Variants in PDZRN4 observed in about 807,000 individuals in gnomAD.
PDZRN4 encodes the protein PDZ domain containing ring finger 4.
A neutral mutation model predicts 99.0 loss-of-function variants in PDZRN4; 70 were observed. The ratio of observed to expected loss-of-function variants is 0.71; its 90% CI spans 0.58 to 0.86. The LOEUF (loss-of-function observed/expected upper bound fraction) is 0.86. Among genes scored for constraint, PDZRN4 ranks in the 40% least tolerant of loss-of-function variants. PDZRN4 has a pLI of 0.00. For synonymous variants in PDZRN4, 551 were observed against 501.6 expected, an observed-to-expected ratio of 1.10 and a Z score of -1.32; for missense variants, 1,474 against 1,331.2, an observed-to-expected ratio of 1.11 and a Z score of -1.67.
intron 3 of PDZRN4, among the ~76,000 whole-genome samples, chr12:41,426,760 A>G (rs1222842447): frequency 6.6e-6 from 1 of 152,258 alleles, no homozygotes; most frequent in Non-Finnish European, 1.5e-5. Context: ...TTAGCATATC[A>G]GAAATTATAA....
chr12:41,354,361 T>C (rs1183427702), intron 3 of PDZRN4, among the ~76,000 whole-genome samples: 1 of 152,026 alleles, frequency 6.6e-6, no homozygotes, highest in African/African-American at 2.4e-5. Context: ...CTTATGTATT[T>C]GCATCAGAGG....
intron 3 of PDZRN4, among the ~76,000 whole-genome samples, chr12:41,263,973 T>G (rs1012287668): frequency 2.0e-5 from 3 of 152,136 alleles, no homozygotes; most frequent in Non-Finnish European, 4.4e-5. Flanking sequence ...ACTGACTCCA[T>G]GAAAAACACA....
At chr12:41,316,372 A>C (rs1326566577) in intron 3 of PDZRN4, among the ~76,000 whole-genome samples, 1 of 151,992 alleles carries the variant, frequency 6.6e-6, no homozygotes, top group Admixed American at 6.6e-5. Context: ...TTGTATGATT[A>C]GTATTCACCA....
intron 7 of PDZRN4, among the ~76,000 whole-genome samples, chr12:41,557,099 C>T (rs1592111366): frequency 7.2e-6 from 1 of 139,074 alleles, no homozygotes; most frequent in South Asian, 2.3e-4. Flanking sequence ...TGCAGTGAGC[C>T]GAGATGCCAC....
chr12:41,249,145 A>G (rs371215159), intron 3 of PDZRN4, among the ~76,000 whole-genome samples: 229 of 152,326 alleles, frequency 1.5e-3, no homozygotes, highest in Non-Finnish European at 2.1e-3. Context: ...ACACAGAGAT[A>G]GAGAATCAGT....
chr12:41,212,223 A>G (rs780835491), intron 3 of PDZRN4, among the ~76,000 whole-genome samples: 11 of 152,084 alleles, frequency 7.2e-5, no homozygotes, highest in Non-Finnish European at 1.3e-4. Flanking sequence ...TTCTCAGACC[A>G]AAGTATTGTT....
intron 3 of PDZRN4, among the ~76,000 whole-genome samples, chr12:41,448,422 C>T (rs1221403957): frequency 2.8e-4 from 42 of 152,100 alleles, no homozygotes; most frequent in Admixed American, 2.8e-3. Flanking sequence ...TTCACTGAGT[C>T]CAGGACAGAG....
chr12:41,204,332 G>T (rs969250528), intron 3 of PDZRN4, among the ~76,000 whole-genome samples: 1 of 151,984 alleles, frequency 6.6e-6, no homozygotes. Flanking sequence ...GAGACAAAAG[G>T]CTTGATGGAT....
chr12:41,490,690 T>A (rs1016121094), intron 3 of PDZRN4, among the ~76,000 whole-genome samples: 3 of 152,140 alleles, frequency 2.0e-5, no homozygotes, highest in African/African-American at 7.2e-5. Flanking sequence ...TTGAGGCTGG[T>A]TGCTCTTCAA....
At chr12:41,470,293 T>G (rs1952973515) in intron 3 of PDZRN4, among the ~76,000 whole-genome samples, 2 of 152,234 alleles carry the variant, frequency 1.3e-5, no homozygotes, top group Non-Finnish European at 2.9e-5. Context: ...AGACTTATTT[T>G]GGCAAAAATC....
At chr12:41,297,592 C>G (rs1477394587) in intron 3 of PDZRN4, among the ~76,000 whole-genome samples, 2 of 152,122 alleles carry the variant, frequency 1.3e-5, no homozygotes, top group African/African-American at 4.8e-5. Context: ...CTAAAAGGTG[C>G]TAGGACATTG....
chr12:41,385,360 A>G (rs1412444892), intron 3 of PDZRN4, among the ~76,000 whole-genome samples: 1 of 152,166 alleles, frequency 6.6e-6, no homozygotes, highest in Non-Finnish European at 1.5e-5. Flanking sequence ...GCGAAGTAAA[A>G]TGGACATGCT....
chr12:41,465,599 G>T (rs767970260), intron 3 of PDZRN4, among the ~76,000 whole-genome samples: 7 of 152,164 alleles, frequency 4.6e-5, no homozygotes, highest in Non-Finnish European at 1.0e-4. Flanking sequence ...TCTCTTTGGT[G>T]TTCCAGCAGT....
At position 41,469,748 on chromosome 12, in the gene PDZRN4, G is replaced by A. The variant is rs536357595; in HGVS notation, c.844-36708G>A. 7.4e-4 allele frequency among the ~76,000 whole-genome samples: 113 copies of A among 152,118 alleles called. 1 individual carries two copies. Among genetic ancestry groups the A allele is most frequent in the African/African-American group, 2.4e-3 (101 of 41,522 alleles). ...AGATCGAGACCATCCTGGCTAACAC[G>A]GTGAAACCCCGTCTCTACTAAAAAT... is the stretch of plus-strand genomic sequence containing the variant. On this transcript the variant is annotated intron_variant, in intron 3 of 9. Coordinates refer to ENST00000402685, the MANE Select transcript of PDZRN4 (RefSeq NM_001164595.2).
intron 3 of PDZRN4, among the ~76,000 whole-genome samples, chr12:41,465,081 T>G (rs1952911843): frequency 1.3e-5 from 2 of 152,164 alleles, no homozygotes; most frequent in African/African-American, 4.8e-5. Flanking sequence ...CACCTTGGCC[T>G]CCCAAAGTAT....
At chr12:41,329,875 G>T (rs1335052061) in intron 3 of PDZRN4, among the ~76,000 whole-genome samples, 3 of 152,022 alleles carry the variant, frequency 2.0e-5, no homozygotes, top group African/African-American at 7.2e-5. Flanking sequence ...TACTCAAGTT[G>T]ATCAGACCTG....
At chr12:41,267,424 T>C (rs1231887789) in intron 3 of PDZRN4, among the ~76,000 whole-genome samples, 1 of 151,762 alleles carries the variant, frequency 6.6e-6, no homozygotes, top group East Asian at 1.9e-4. Context: ...AAGACAAAGG[T>C]AAGAATATGG....
chr12:41,242,646 C>A (rs2120786327), intron 3 of PDZRN4, among the ~76,000 whole-genome samples: 1 of 152,264 alleles, frequency 6.6e-6, no homozygotes, highest in Non-Finnish European at 1.5e-5. Context: ...CACACACACA[C>A]ACACACAAAG....
chr12:41,348,455 A>T (rs1045874109), intron 3 of PDZRN4, among the ~76,000 whole-genome samples: 1 of 152,266 alleles, frequency 6.6e-6, no homozygotes, highest in Non-Finnish European at 1.5e-5. Flanking sequence ...CAGTGGCACC[A>T]AACTGTGCTA....
Sources: allele counts gnomAD v4.1 joint callset (sites outside exome capture counted in the v4.1 genomes callset), GRCh38; gene constraint gnomAD v4.1.1; transcripts MANE v1.5; gene names NCBI Gene and HGNC (gene_info 2026-07-23, HGNC 2026-07-21).